C5orf63: variants seen among roughly 807,000 people sequenced by gnomAD.
C5orf63 encodes the protein chromosome 5 open reading frame 63.
In C5orf63, 18 loss-of-function variants were observed where a neutral mutation model predicts 13.3. The observed-to-expected ratio is 1.36, with a 90% CI of 0.94 to 2.01. The LOEUF (loss-of-function observed/expected upper bound fraction) is 2.01, where lower values mean the gene tolerates loss of function less well. Among genes scored for constraint, C5orf63 ranks in the 30% most tolerant of loss-of-function variants. C5orf63 has a pLI of 0.00. For synonymous variants in C5orf63, 38 were observed against 44.7 expected (o/e 0.85, Z 0.60); for missense variants, 118 against 127.7 (o/e 0.92, Z 0.36).
intron 2 of C5orf63, among the ~76,000 whole-genome samples, chr5:127,065,186 AGTGAATCAATGATAT>A (rs1166993783): frequency 6.6e-6 from 1 of 152,258 alleles, no homozygotes; most frequent in Non-Finnish European, 1.5e-5. Context: ...CACAGTGATT[AGTGAATCAATGATAT>A]CATTCACTCA....
downstream of C5orf63, chr5:127,047,644 T>C (rs1205621492): frequency 1.4e-6 from 1 of 695,512 alleles, no homozygotes; most frequent in Non-Finnish European, 2.6e-6. Flanking sequence ...CTCCCTCTAT[T>C]CCTATATATT....
downstream of C5orf63, chr5:127,043,833 C>A (rs1455847698): frequency 2.6e-5 from 4 of 152,234 alleles, no homozygotes; most frequent in Non-Finnish European, 4.4e-5. Context: ...ATAGGACTTT[C>A]TCAGGTGACA....
Position 127,051,721 on chromosome 5 carries a change from T to C in C5orf63, c.*50A>G. ...GAGTATCAGGCCATGGTCATTTCCT[T>C]AGGAAGATGCTTTATGGGAAGAGAG... On this transcript the variant is annotated 3_prime_UTR_variant, in exon 5 of 5. Transcript: ENST00000296662. 3 of 1,447,428 alleles carry C rather than the reference T, an allele frequency of 2.1e-6. No homozygotes were observed. The highest frequency in any genetic ancestry group is 2.7e-6 in the Non-Finnish European group (3 of 1,104,452). 89.7% of individuals were successfully genotyped at this position (1,447,428 alleles called of 1,614,324 possible). A position where few individuals can be genotyped will look rare whatever the true frequency, so the allele number is the denominator to read the frequency against.
intron 1 of C5orf63, among the ~76,000 whole-genome samples, 155 bp from the exon 2 acceptor site, chr5:127,071,840 G>A (rs949682236): frequency 3.3e-5 from 5 of 152,128 alleles, no homozygotes; most frequent in Non-Finnish European, 4.4e-5. Context: ...GTATATACAA[G>A]TTATGAAATA....
intron 3 of C5orf63, among the ~76,000 whole-genome samples, chr5:127,053,980 C>T (rs944071730): frequency 2.0e-5 from 3 of 152,068 alleles, no homozygotes; most frequent in Non-Finnish European, 2.9e-5. Flanking sequence ...ATTAGCAATA[C>T]ATAGATTATG....
At chr5:127,062,709 T>C (rs1754154136) in intron 2 of C5orf63, among the ~76,000 whole-genome samples, 1 of 152,198 alleles carries the variant, frequency 6.6e-6, no homozygotes, top group Non-Finnish European at 1.5e-5. Context: ...TGAAGTAAAA[T>C]TTTAATATGG....
chr5:127,064,483 C>T (rs947363306), intron 2 of C5orf63, among the ~76,000 whole-genome samples: 4 of 152,198 alleles, frequency 2.6e-5, no homozygotes, highest in South Asian at 2.1e-4. Context: ...CATGGTGTCA[C>T]GCTCAGCTTC....
At chr5:127,056,415 A>G in intron 3 of C5orf63, 1 of 153,296 alleles carries the variant, frequency 6.5e-6, no homozygotes, top group Non-Finnish European at 1.5e-5. Context: ...ATGGCTGGGG[A>G]GGCCTCATAA....
chr5:127,062,440 A>C (rs1240658805), intron 2 of C5orf63, among the ~76,000 whole-genome samples: 1 of 152,254 alleles, frequency 6.6e-6, no homozygotes, highest in Non-Finnish European at 1.5e-5. Context: ...TTGTTAAATT[A>C]ACTTATTTCT....
intron 2 of C5orf63, among the ~76,000 whole-genome samples, chr5:127,060,138 C>CA (rs994596985): frequency 4.0e-5 from 6 of 150,834 alleles, no homozygotes; most frequent in South Asian, 2.1e-4. Flanking sequence ...AACTACATCT[C>CA]AAAAAAAACA....
chr5:127,047,478 C>A, downstream of C5orf63: 1 of 509,584 alleles, frequency 2.0e-6, no homozygotes, highest in Non-Finnish European at 3.5e-6. Flanking sequence ...CATGGGTTTG[C>A]TGAAGATCTG....
chr5:127,072,199 T>C (rs1336115443), intron 1 of C5orf63: 6 of 152,226 alleles, frequency 3.9e-5, no homozygotes, highest in Non-Finnish European at 8.8e-5. Flanking sequence ...TTCCAGGCAA[T>C]TCCTCAGCAG....
chr5:127,049,727 A>G (rs1753611117), downstream of C5orf63, among the ~76,000 whole-genome samples: 1 of 152,224 alleles, frequency 6.6e-6, no homozygotes, highest in South Asian at 2.1e-4. Context: ...TTAAAACAAG[A>G]CATATTTATT....
chr5:127,059,697 C>T (rs1754022946), intron 2 of C5orf63, among the ~76,000 whole-genome samples: 2 of 147,016 alleles, frequency 1.4e-5, no homozygotes, highest in African/African-American at 2.5e-5. Context: ...CACTGCACTC[C>T]AGTCTGGGGG....
At chr5:127,051,287 T>C, downstream of C5orf63, 2 of 1,225,148 alleles carry the variant, frequency 1.6e-6, no homozygotes, top group Non-Finnish European at 2.0e-6. Context: ...TCCCACTGAA[T>C]AGGCTTCATG....
intron 2 of C5orf63, among the ~76,000 whole-genome samples, chr5:127,059,722 T>C (rs1266116361): frequency 2.1e-5 from 3 of 141,478 alleles, no homozygotes; most frequent in African/African-American, 8.1e-5. Context: ...ACATGAGATC[T>C]TATCTCAAAA....
Position 127,051,462 on chromosome 5 carries a change from C to T in C5orf63, c.*309G>A. On this transcript the variant is annotated 3_prime_UTR_variant, in exon 5 of 5. Coordinates refer to ENST00000296662, the MANE Select transcript of C5orf63 (RefSeq NM_001164478.2). ...AACCTTCTTCCTATAAATGGCATTGCCCAGTGACTGTGAAGTGCTTCTCTA... is the reference window on the plus strand; with the variant it reads ...AACCTTCTTCCTATAAATGGCATTGTCCAGTGACTGTGAAGTGCTTCTCTA... 1.6e-6 allele frequency: 2 copies of T among 1,233,562 alleles called. No homozygotes were observed. Among genetic ancestry groups the T allele is most frequent in the Non-Finnish European group, 2.0e-6 (2 of 989,036 alleles). 76.4% of individuals were successfully genotyped at this position (1,233,562 alleles called of 1,614,324 possible).
intron 1 of C5orf63, among the ~76,000 whole-genome samples, chr5:127,072,636 G>A (rs1338304625): frequency 6.6e-6 from 1 of 151,522 alleles, no homozygotes; most frequent in Non-Finnish European, 1.5e-5. Flanking sequence ...GCCATACTAT[G>A]GATTTTTTTT....
intron 1 of C5orf63, among the ~76,000 whole-genome samples, chr5:127,072,825 A>C (rs1449307545): frequency 6.6e-6 from 1 of 152,204 alleles, no homozygotes; most frequent in Non-Finnish European, 1.5e-5. Context: ...AAACTGTATG[A>C]GCTGCTATTT....
Sources: gnomAD v4.1 joint callset for allele counts (sites outside exome capture counted in the v4.1 genomes callset) on GRCh38, gnomAD v4.1.1 for gene constraint, MANE v1.5 for transcripts, NCBI Gene and HGNC (gene_info 2026-07-23, HGNC 2026-07-21) for gene names.